The following MYO15B variants were observed in gnomAD, a reference collection of about 807,000 sequenced individuals.
MYO15B encodes myosin XVB pseudogene.
MYO15B carries 207 observed loss-of-function variants against 119.3 expected under a neutral mutation model. The ratio of observed to expected loss-of-function variants is 1.73; its 90% CI spans 1.55 to 1.95. The LOEUF (loss-of-function observed/expected upper bound fraction) is 1.95. MYO15B is among the 30% of genes most tolerant of loss of function. MYO15B has a pLI of 0.00. For missense variants in MYO15B, 2,264 were observed against 1,203.1 expected (o/e 1.88, Z -13.04); for synonymous variants, 966 against 498.9 (o/e 1.94, Z -12.48).
chr17:75,591,960 C>T lies in MYO15B; in HGVS notation c.2548-17C>T, dbSNP rs1411483637. ...CTACTGCTGCCCAGGGATGCTTGAA[C>T]ACCCCTCCCTGTACAGGTGGAGGAT... On this transcript the variant is annotated splice_polypyrimidine_tract_variant and intron_variant, in intron 5 of 63. Coordinates refer to ENST00000645453, the Ensembl canonical transcript of MYO15B. 3.9e-5 allele frequency: 27 copies of T among 700,120 alleles called. No individual in the cohort carries two copies. The highest frequency in any genetic ancestry group is 1.4e-4 in the African/African-American group (8 of 57,152). 43.4% of individuals were successfully genotyped at this position (700,120 alleles called of 1,614,324 possible). A position where few individuals can be genotyped will look rare whatever the true frequency, so the allele number is the denominator to read the frequency against.
Position 75,622,618 on chromosome 17 carries a change from C to T in MYO15B, c.8082+538C>T, listed in dbSNP as rs113287651. ...GGAGAGAGACTCGGCTTACATTTCA[C>T]AGGGTCACTCGGCTGTTGTTTGAGA... On this transcript the variant is annotated intron_variant, in intron 53 of 63. Transcript: ENST00000645453. 6.6e-3 allele frequency among the ~76,000 whole-genome samples: 1,009 copies of T among 152,304 alleles called. 19 individuals are homozygous for T. Among genetic ancestry groups the T allele is most frequent in the African/African-American group, 0.023 (967 of 41,556 alleles).
chr17:75,590,549 CT>C (rs2056372059), intron 1 of MYO15B, 76 bp from the exon 2 acceptor site: 1 of 322,646 alleles, frequency 3.1e-6, no homozygotes, highest in South Asian at 1.6e-4. Context: ...GCCAGGGTCC[CT>C]GCAGTGGGTG....
intron 14 of MYO15B, among the ~76,000 whole-genome samples, chr17:75,599,366 G>A (rs896327292): frequency 5.9e-4 from 90 of 151,526 alleles, no homozygotes; most frequent in Non-Finnish European, 1.2e-3. Flanking sequence ...GCTCCGCCTC[G>A]CGGGTTGACG....
At chr17:75,591,808 T>C in intron 5 of MYO15B, 96 bp downstream of exon 5, 1 of 689,262 alleles carries the variant, frequency 1.5e-6, no homozygotes, top group Non-Finnish European at 2.7e-6. Flanking sequence ...TCTTTCTCCT[T>C]TCAGCCAGGA....
At position 75,589,192 on chromosome 17, in the gene MYO15B, TGGCTGCGGCGGC is replaced by T. The variant is rs753481377; in HGVS notation, c.1145_1156del (p.Arg382_Arg385del). 9 of 396,542 alleles carry T rather than the reference TGGCTGCGGCGGC, an allele frequency of 2.3e-5. No homozygotes were observed. Among genetic ancestry groups the T allele is most frequent in the Non-Finnish European group, 3.5e-5 (8 of 225,536 alleles). 24.6% of individuals were successfully genotyped at this position (396,542 alleles called of 1,614,324 possible). A position where few individuals can be genotyped will look rare whatever the true frequency, so the allele number is the denominator to read the frequency against. On this transcript the variant is annotated inframe_deletion, in exon 1 of 64. Transcript: ENST00000645453. This position sits in a 1 kb window ranked among gnomAD's most constrained non-coding sequence, Gnocchi z 4.2. ...AGCGCGAGCCCTGGGCCTCCTGCGC[TGGCTGCGGCGGC>T]GGCTGCGGCTGCGGCGGCGGCCGCC...
intron 14 of MYO15B, chr17:75,600,801 T>C (rs2057227409): frequency 6.6e-6 from 1 of 151,866 alleles, no homozygotes; most frequent in Non-Finnish European, 1.5e-5. Context: ...TTGGCCAGGC[T>C]GGTCTTGAAC....
chr17:75,617,954 T>A, intron 42 of MYO15B, 32 bp downstream of exon 42: 1 of 699,392 alleles, frequency 1.4e-6, no homozygotes, highest in Non-Finnish European at 2.6e-6. Context: ...TGGCCTGGCC[T>A]CTTTGGGCTG....
At position 75,626,236 on chromosome 17, in the gene MYO15B, G is replaced by A; in HGVS notation, c.9213+8G>A. The A allele has an allele frequency of 1.4e-6, 1 of 702,786 alleles. No homozygotes were observed. Among genetic ancestry groups the A allele is most frequent in the Non-Finnish European group, 2.6e-6 (1 of 384,914 alleles). 43.5% of individuals were successfully genotyped at this position (702,786 alleles called of 1,614,324 possible). On this transcript the variant is annotated splice_region_variant and intron_variant, in intron 63 of 63. Transcript: ENST00000645453. ...TGGTTTGAGCTGCCACAGGTGAGTG[G>A]CCAGGCCTCTGGCCACCTTGCGAAG...
At chr17:75,610,745 A>G in intron 22 of MYO15B, 155 bp from the exon 23 acceptor site, 1 of 622,634 alleles carries the variant, frequency 1.6e-6, no homozygotes, top group Non-Finnish European at 2.9e-6. Flanking sequence ...AGGGCCCTGG[A>G]GGGCCAGGGG....
chr17:75,590,299 C>T (rs2056352393), intron 1 of MYO15B, 56 bp downstream of exon 1: 2 of 398,940 alleles, frequency 5.0e-6, no homozygotes, highest in Non-Finnish European at 8.8e-6. Flanking sequence ...CTCATATCCA[C>T]CCTGCCCTCA....
At chr17:75,621,640 T>A in intron 52 of MYO15B, 70 bp downstream of exon 52, 1 of 677,362 alleles carries the variant, frequency 1.5e-6, no homozygotes. Context: ...GGTCCCCTTA[T>A]CTCCTTGAGC....
At chr17:75,615,179 G>A in intron 33 of MYO15B, 61 bp from the exon 34 acceptor site, 1 of 685,600 alleles carries the variant, frequency 1.5e-6, no homozygotes, top group Non-Finnish European at 2.7e-6. Context: ...TGTGCCTGGG[G>A]CTGGAGGGAG....
chr17:75,612,439 G>C (rs572856370), intron 25 of MYO15B, among the ~76,000 whole-genome samples: 1 of 152,252 alleles, frequency 6.6e-6, no homozygotes, highest in South Asian at 2.1e-4. Flanking sequence ...TTGGGAGGCC[G>C]AGGTGGGTGG....
Position 75,592,524 on chromosome 17 carries a change from T to TA in MYO15B, c.2813dup (p.Tyr938Ter), listed in dbSNP as rs1351698273. 6.6e-6 allele frequency: 4 copies of TA among 605,864 alleles called. No homozygotes were observed. In the Admixed American group the frequency reaches 8.6e-5, roughly 13 times the overall value. 37.5% of individuals were successfully genotyped at this position (605,864 alleles called of 1,614,324 possible). ...GCTCTCCCTGCAGGGACCGGAGACT[T>TA]ACTACTACCTCAACCAGGTCGGGGG... Residue 938 changes from tyrosine to a stop codon, truncating the protein, a stop_gained and frameshift_variant, in exon 8 of 64, where the codon TAC (tyrosine) becomes TAAC (stop). Transcript: ENST00000645453. LOFTEE classifies it high-confidence loss of function.
Position 75,610,774 on chromosome 17 carries a change from C to T in MYO15B, c.4387-126C>T, listed in dbSNP as rs820138. The T allele has an allele frequency of 6.0e-6, 4 of 666,562 alleles. No homozygotes were observed. In the South Asian group the frequency reaches 6.4e-5, roughly 11 times the overall value. The allele number at this position is 666,562 out of a possible 1,614,324, so 41.3% of individuals were successfully genotyped here. ...CCAGGGGTGGCTGGCCCCTCCTGAT[C>T]TGTTCTCACTCCTTTGCTGAGAACC... is the stretch of plus-strand genomic sequence containing the variant. On this transcript the variant is annotated intron_variant, in intron 22 of 63. Transcript: ENST00000645453.
At chr17:75,609,209 C>CTTT (rs756034754) in intron 21 of MYO15B, among the ~76,000 whole-genome samples, 50 of 141,668 alleles carry the variant, frequency 3.5e-4, no homozygotes, top group African/African-American at 1.2e-3. Flanking sequence ...TTCTGCTGCT[C>CTTT]TTTTTTTTTT....
At chr17:75,622,012 C>T (rs768219032) in exon 53 of MYO15B, 24 of 702,832 alleles carry the variant, frequency 3.4e-5, no homozygotes, top group South Asian at 1.2e-4. Context: ...AGCCCTGATG[C>T]GGTTTATGGG....
intron 5 of MYO15B, 43 bp from the exon 6 acceptor site, chr17:75,591,934 G>T (rs2056486846): frequency 4.3e-6 from 3 of 695,178 alleles, no homozygotes; most frequent in South Asian, 3.0e-5. Context: ...GCTGGTGGGG[G>T]CTACTGCTGC....
exon 28 of MYO15B, chr17:75,613,380 G>A (rs1337917289): frequency 1.5e-5 from 10 of 671,892 alleles, no homozygotes; most frequent in Non-Finnish European, 2.1e-5. Flanking sequence ...AGCTGGCCTC[G>A]GGGGCCACTC....
Sources: gnomAD v4.1 joint callset for allele counts (sites outside exome capture counted in the v4.1 genomes callset) on GRCh38, gnomAD v4.1.1 for gene constraint, Gnocchi (gnomAD v3.1) non-coding constraint, MANE v1.5 for transcripts, NCBI Gene and HGNC (gene_info 2026-07-23, HGNC 2026-07-21) for gene names.